The following STAT3 variants were observed in gnomAD, a reference collection of about 807,000 sequenced individuals.
The protein encoded by STAT3 is signal transducer and activator of transcription 3.
STAT3 carries 7 observed loss-of-function variants against 114.3 expected under a neutral mutation model. The observed-to-expected ratio is 0.06, with a 90% CI of 0.03 to 0.11. The LOEUF is 0.11. STAT3 is among the 10% of genes least tolerant of loss of function. The pLI is 1.00. For synonymous variants in STAT3, 331 were observed against 354.5 expected (o/e 0.93, Z 0.74); for missense variants, 364 against 960.9 (o/e 0.38, Z 8.21).
chr17:42,333,855 T>C lies in STAT3; in HGVS notation c.956+36A>G. On this transcript the variant is annotated intron_variant, in intron 9 of 23. Coordinates refer to ENST00000264657, the MANE Select transcript of STAT3 (RefSeq NM_139276.3). The surrounding 1 kb of genome is among the most constrained non-coding windows in gnomAD (Gnocchi z 5.2). Reference sequence around the variant, plus strand: ...CTACCACGTGAGTCTTTAGGTATTTTTTAGATGAGGGAAAGGGACAAGGAT... The same window carrying C: ...CTACCACGTGAGTCTTTAGGTATTTCTTAGATGAGGGAAAGGGACAAGGAT... 1 of 1,614,196 alleles carries C rather than the reference T, an allele frequency of 6.2e-7. No individual in the cohort carries two copies. Among genetic ancestry groups the C allele is most frequent in the Middle Eastern group, 1.6e-4 (1 of 6,062 alleles).
In STAT3 at chr17:42,337,881, T is replaced by G. The variant is rs372586816; in HGVS notation, c.551-24A>C. ...GTCTGCGAAGGAAGAAAAAACTCCTTGACCTGAGGGAATACTCCTTGACCT... is the reference window on the plus strand; with the variant it reads ...GTCTGCGAAGGAAGAAAAAACTCCTGGACCTGAGGGAATACTCCTTGACCT... On this transcript the variant is annotated intron_variant, in intron 6 of 23. Transcript: ENST00000264657. This position sits in a 1 kb window ranked among gnomAD's most constrained non-coding sequence, Gnocchi z 4.0. The G allele has an allele frequency of 1.1e-4, 172 of 1,573,512 alleles. 3 individuals carry two copies. The African/African-American group carries it at 2.0e-3, about 19-fold the overall frequency.
At chr17:42,380,253 T>A (rs1219963074) in intron 1 of STAT3, among the ~76,000 whole-genome samples, 3 of 151,784 alleles carry the variant, frequency 2.0e-5, no homozygotes, top group Non-Finnish European at 2.9e-5. Flanking sequence ...GGCAGGCTGG[T>A]CTTGAACTCC....
rs991426733 is a variant in STAT3, at chr17:42,349,680, C to T, written c.-23-1141G>A. ...CAGTGAAATGCTCTGGTATGAGAAACCCAGCCAGCTAATTACCTGTAATCC... is the reference window on the plus strand; with the variant it reads ...CAGTGAAATGCTCTGGTATGAGAAATCCAGCCAGCTAATTACCTGTAATCC... On this transcript the variant is annotated intron_variant, in intron 1 of 23. Transcript: ENST00000264657. Among the ~76,000 whole-genome samples the T allele has an allele frequency of 2.6e-5, 4 of 152,224 alleles. No homozygotes were observed. In the South Asian group the frequency reaches 6.2e-4, roughly 24 times the overall value.
intron 1 of STAT3, among the ~76,000 whole-genome samples, chr17:42,350,637 T>G (rs577908508): frequency 1.3e-5 from 2 of 152,166 alleles, no homozygotes; most frequent in South Asian, 4.2e-4. Context: ...TCTCCCTCCC[T>G]CTTTGGGGGA....
rs1170824966 is a variant in STAT3, at chr17:42,313,733, T to A, written c.*2012A>T. 1 of 232,918 alleles carries A rather than the reference T, an allele frequency of 4.3e-6. No homozygotes were observed. Among genetic ancestry groups the A allele is most frequent in the Non-Finnish European group, 8.5e-6 (1 of 117,540 alleles). The allele number at this position is 232,918 out of a possible 1,614,324, so 14.4% of individuals were successfully genotyped here. ...CCTGAACCCTCGCCCTAGGTCCCTA[T>A]GATTTAAACCCAATGGTAAGCCCAA... On this transcript the variant is annotated 3_prime_UTR_variant, in exon 24 of 24. Coordinates refer to ENST00000264657, the MANE Select transcript of STAT3 (RefSeq NM_139276.3).
At chr17:42,351,223 A>G (rs1453113183) in intron 1 of STAT3, among the ~76,000 whole-genome samples, 1 of 152,086 alleles carries the variant, frequency 6.6e-6, no homozygotes, top group Non-Finnish European at 1.5e-5. Flanking sequence ...TTATTGCAAC[A>G]TATGAACATA....
chr17:42,319,293 G>A (rs190373533), intron 21 of STAT3, among the ~76,000 whole-genome samples: 1 of 152,194 alleles, frequency 6.6e-6, no homozygotes, highest in African/African-American at 2.4e-5. Context: ...TATAATCCCA[G>A]CACTTTGGGA....
chr17:42,385,508 CAAAA>C (rs11328125), intron 1 of STAT3, among the ~76,000 whole-genome samples: 12 of 108,276 alleles, frequency 1.1e-4, no homozygotes, highest in Non-Finnish European at 9.4e-5. Flanking sequence ...AACTCCAACT[CAAAA>C]AAAAAAAAAA....
At chr17:42,382,227 C>T (rs1234531418) in intron 1 of STAT3, among the ~76,000 whole-genome samples, 2 of 152,238 alleles carry the variant, frequency 1.3e-5, no homozygotes, top group Non-Finnish European at 2.9e-5. Context: ...GAATTAATCT[C>T]TTTTCTTGGA....
At chr17:42,323,646 C>T (rs771879649) in intron 17 of STAT3, 21 bp from the exon 18 acceptor site, 1 of 1,612,934 alleles carries the variant, frequency 6.2e-7, no homozygotes, top group East Asian at 2.2e-5. Flanking sequence ...GAAAAAGAGT[C>T]AAGTAGTACA....
At chr17:42,335,908 T>C (rs2082211121) in intron 8 of STAT3, among the ~76,000 whole-genome samples, 1 of 152,214 alleles carries the variant, frequency 6.6e-6, no homozygotes, top group Admixed American at 6.5e-5. Flanking sequence ...CCATCATTCT[T>C]TGATGGTTTA....
chr17:42,329,544 TC>T lies in STAT3; in HGVS notation c.1233+9del. The T allele has an allele frequency of 8.1e-6, 13 of 1,614,218 alleles. No individual in the cohort carries two copies. Among genetic ancestry groups the T allele is most frequent in the Non-Finnish European group, 1.1e-5 (13 of 1,180,020 alleles). On this transcript the variant is annotated intron_variant, in intron 13 of 23. Transcript: ENST00000264657. ...GAGGCCCTTTGTGAAGGGGAGCTCC[TC>T]CCACATACCAAGTGTTTGAATTCTG...
intron 1 of STAT3, among the ~76,000 whole-genome samples, chr17:42,377,163 G>A (rs1254690999): frequency 6.6e-6 from 1 of 152,172 alleles, no homozygotes; most frequent in African/African-American, 2.4e-5. Context: ...TTGCCGCCCA[G>A]GCAAATCATC....
intron 1 of STAT3, among the ~76,000 whole-genome samples, chr17:42,362,223 A>C (rs2083547630): frequency 1.3e-5 from 2 of 152,220 alleles, no homozygotes; most frequent in Admixed American, 6.5e-5. Flanking sequence ...AGCAACTCAA[A>C]ATAATACTGT....
In STAT3 at chr17:42,335,128, T is replaced by TC. The variant is rs1295566288; in HGVS notation, c.798-1080dup. ...ACATGAGCCCTTTCTTTTCTTTCTT[T>TC]CTTTTTTTTTTTTTGAGACAGGGTC... On this transcript the variant is annotated intron_variant, in intron 8 of 23. Transcript: ENST00000264657. Among the ~76,000 whole-genome samples, 3 of 146,508 alleles carry TC rather than the reference T, an allele frequency of 2.0e-5. No homozygotes were observed. The East Asian group carries it at 5.8e-4, about 28-fold the overall frequency.
rs138364407 is a variant in STAT3, at chr17:42,346,753, G to C, written c.129-40C>G. 8.7e-6 allele frequency: 14 copies of C among 1,613,572 alleles called. No individual in the cohort carries two copies. The South Asian group carries it at 1.5e-4, about 18-fold the overall frequency. On this transcript the variant is annotated intron_variant, in intron 2 of 23. Transcript: ENST00000264657. ...AATGATAAAGAATGGCTCTGAAGCC[G>C]ACGCATACACACAAACACAGAAATC... is the stretch of plus-strand genomic sequence containing the variant.
At chr17:42,352,955 T>C (rs1009482673) in intron 1 of STAT3, among the ~76,000 whole-genome samples, 2 of 152,244 alleles carry the variant, frequency 1.3e-5, no homozygotes, top group East Asian at 1.9e-4. Flanking sequence ...CTTGTTCATG[T>C]TGAAATGATA....
chr17:42,380,407 CAG>C (rs1483272873), intron 1 of STAT3, among the ~76,000 whole-genome samples: 14 of 151,848 alleles, frequency 9.2e-5, no homozygotes, highest in African/African-American at 2.9e-4. Flanking sequence ...TTTTTTGAGA[CAG>C]AGTCTCACTC....
At chr17:42,342,692 G>A (rs1454505533) in intron 4 of STAT3, among the ~76,000 whole-genome samples, 1 of 152,138 alleles carries the variant, frequency 6.6e-6, no homozygotes, top group African/African-American at 2.4e-5. Context: ...AGTAAAAATT[G>A]TTTACTTAAG....
Sources: gnomAD v4.1 joint callset for allele counts (sites outside exome capture counted in the v4.1 genomes callset) on GRCh38, gnomAD v4.1.1 for gene constraint, Gnocchi (gnomAD v3.1) non-coding constraint, MANE v1.5 for transcripts, NCBI Gene and HGNC (gene_info 2026-07-23, HGNC 2026-07-21) for gene names.